Variants in NALF1 observed in about 807,000 individuals in gnomAD.
NALF1 encodes the protein family with sequence similarity 155 member A.
In NALF1, 3 loss-of-function variants were observed where a neutral mutation model predicts 48.4. The ratio of observed to expected loss-of-function variants is 0.06; its 90% CI spans 0.03 to 0.16. NALF1 has a LOEUF of 0.16. Ranked by LOEUF, NALF1 falls within the 10% of genes least tolerant of loss-of-function variation. NALF1 has a pLI of 1.00. For missense variants in NALF1, 526 were observed against 571.5 expected (o/e 0.92, Z 0.81); for synonymous variants, 262 against 245.7 (o/e 1.07, Z -0.62).
chr13:107,666,331 C>T (rs972313130), intron 1 of NALF1, among the ~76,000 whole-genome samples: 12 of 152,188 alleles, frequency 7.9e-5, no homozygotes, highest in Admixed American at 2.6e-4. Context: ...GAAACATTGC[C>T]ACCTCTCGGT....
At chr13:107,343,889 C>A (rs1283387665) in intron 1 of NALF1, among the ~76,000 whole-genome samples, 1 of 149,996 alleles carries the variant, frequency 6.7e-6, no homozygotes, top group Non-Finnish European at 1.5e-5. Flanking sequence ...AACAGAAAAA[C>A]AAGAAGAAAA....
In NALF1 at chr13:107,785,121, T is replaced by C. The variant is rs1328775151; in HGVS notation, c.915+80561A>G. 8.6e-5 allele frequency among the ~76,000 whole-genome samples: 13 copies of C among 151,988 alleles called. No homozygotes were observed. The East Asian group carries it at 1.5e-3, about 18-fold the overall frequency. On this transcript the variant is annotated intron_variant, in intron 1 of 2. Transcript: ENST00000375915. ...ATATATATGTATGTATATGTATATA[T>C]ATATTCATATATATGTGTGTGTATA...
At chr13:107,417,420 AC>A (rs35779094) in intron 1 of NALF1, among the ~76,000 whole-genome samples, 33,057 of 152,024 alleles carry the variant, frequency 0.22, 4,082 homozygotes, top group Middle Eastern at 0.28. Flanking sequence ...TCATCTAACA[AC>A]CCCAAATTTG....
intron 1 of NALF1, among the ~76,000 whole-genome samples, chr13:107,655,413 CA>C: frequency 6.6e-6 from 1 of 151,870 alleles, no homozygotes; most frequent in South Asian, 2.1e-4. Flanking sequence ...CAAATAGCTG[CA>C]AAAAATAAAA....
At chr13:107,244,581 T>G (rs1002730321) in intron 1 of NALF1, among the ~76,000 whole-genome samples, 3 of 152,200 alleles carry the variant, frequency 2.0e-5, no homozygotes, top group African/African-American at 7.2e-5. Flanking sequence ...ATTTGCTTTT[T>G]GTACATCTTT....
intron 1 of NALF1, among the ~76,000 whole-genome samples, chr13:107,432,885 C>G (rs896052771): frequency 6.6e-6 from 1 of 152,096 alleles, no homozygotes; most frequent in Admixed American, 6.5e-5. Flanking sequence ...AACTTATATT[C>G]ATGGTGGCAA....
intron 1 of NALF1, among the ~76,000 whole-genome samples, chr13:107,559,984 G>C (rs1338812084): frequency 6.6e-6 from 1 of 152,092 alleles, no homozygotes; most frequent in African/African-American, 2.4e-5. Context: ...CAAGGAAGGA[G>C]GCGGAGATCT....
At chr13:107,209,412 C>A (rs1387418419) in intron 2 of NALF1, among the ~76,000 whole-genome samples, 1 of 151,656 alleles carries the variant, frequency 6.6e-6, no homozygotes, top group Admixed American at 6.6e-5. Flanking sequence ...GAGGCTGAGG[C>A]ATGAGAATCA....
chr13:107,854,990 A>G (rs1170739627), intron 1 of NALF1, among the ~76,000 whole-genome samples: 7 of 152,216 alleles, frequency 4.6e-5, no homozygotes, highest in Non-Finnish European at 7.3e-5. Flanking sequence ...GAGATTAGGC[A>G]GATAACCTCG....
At chr13:107,426,226 AG>A (rs1328275117) in intron 1 of NALF1, among the ~76,000 whole-genome samples, 1 of 152,078 alleles carries the variant, frequency 6.6e-6, no homozygotes, top group Non-Finnish European at 1.5e-5. Flanking sequence ...TTACTTCCTC[AG>A]GAAGGCCTTC....
chr13:107,445,957 T>C (rs1205199466), intron 1 of NALF1, among the ~76,000 whole-genome samples: 1 of 152,202 alleles, frequency 6.6e-6, no homozygotes, highest in East Asian at 1.9e-4. Flanking sequence ...ATTTTTTTTT[T>C]TAGATGGAAT....
intron 1 of NALF1, among the ~76,000 whole-genome samples, chr13:107,633,018 G>A (rs1879874633): frequency 6.6e-6 from 1 of 151,904 alleles, no homozygotes; most frequent in Non-Finnish European, 1.5e-5. Flanking sequence ...AAGACATGAT[G>A]CATTTTTAGA....
At chr13:107,435,247 G>A (rs1884445576) in intron 1 of NALF1, among the ~76,000 whole-genome samples, 1 of 151,962 alleles carries the variant, frequency 6.6e-6, no homozygotes, top group Non-Finnish European at 1.5e-5. Flanking sequence ...AAATCGTTGA[G>A]ATGTTCCATA....
At chr13:107,560,165 C>T (rs1163543484) in intron 1 of NALF1, among the ~76,000 whole-genome samples, 1 of 152,138 alleles carries the variant, frequency 6.6e-6, no homozygotes, top group East Asian at 1.9e-4. Context: ...AATTTTCAAA[C>T]AGAGATAATC....
chr13:107,184,174 A>G (rs2138777869), intron 2 of NALF1, among the ~76,000 whole-genome samples: 1 of 122,148 alleles, frequency 8.2e-6, no homozygotes, highest in African/African-American at 2.6e-5. Flanking sequence ...AGAACTTAAA[A>G]GTGTAATAAA....
At chr13:107,464,496 T>C (rs983044697) in intron 1 of NALF1, among the ~76,000 whole-genome samples, 9 of 152,146 alleles carry the variant, frequency 5.9e-5, no homozygotes, top group Admixed American at 2.0e-4. Flanking sequence ...CATGCCATTG[T>C]TTAAATAAAT....
intron 1 of NALF1, among the ~76,000 whole-genome samples, chr13:107,377,647 G>T (rs908687697): frequency 7.2e-5 from 11 of 152,160 alleles, no homozygotes; most frequent in African/African-American, 2.4e-4. Flanking sequence ...GTAATGAAAG[G>T]AATCTAAGAT....
intron 2 of NALF1, among the ~76,000 whole-genome samples, chr13:107,206,257 C>T (rs1317159844): frequency 6.6e-6 from 1 of 152,114 alleles, no homozygotes; most frequent in Non-Finnish European, 1.5e-5. Context: ...TTCCTTTTAT[C>T]TCCTAAGACA....
intron 1 of NALF1, among the ~76,000 whole-genome samples, chr13:107,242,351 CT>C (rs1164578468): frequency 1.3e-5 from 2 of 152,190 alleles, no homozygotes; most frequent in Non-Finnish European, 2.9e-5. Context: ...CCCTTCCCTT[CT>C]CCTCCTCAAT....
Sources: allele counts gnomAD v4.1 joint callset (sites outside exome capture counted in the v4.1 genomes callset), GRCh38; gene constraint gnomAD v4.1.1; transcripts MANE v1.5; gene names NCBI Gene and HGNC (gene_info 2026-07-23, HGNC 2026-07-21).